The following XYLT1 variants were observed in gnomAD, a reference collection of about 807,000 sequenced individuals.
XYLT1 encodes the protein xylosyltransferase 1.
A neutral mutation model predicts 91.3 loss-of-function variants in XYLT1; 36 were observed. That is an observed-to-expected ratio of 0.39 (90% CI 0.30 to 0.52). The LOEUF is 0.52. XYLT1 is among the 20% of genes least tolerant of loss of function. The pLI, the probability that XYLT1 is intolerant of heterozygous loss-of-function variation, is 0.68. For synonymous variants in XYLT1, 588 were observed against 532.0 expected (o/e 1.11, Z -1.45); for missense variants, 1,242 against 1,284.5 (o/e 0.97, Z 0.51).
intron 5 of XYLT1, among the ~76,000 whole-genome samples, chr16:17,159,550 TTAATA>T (rs768748345): frequency 1.3e-5 from 2 of 152,184 alleles, no homozygotes; most frequent in Non-Finnish European, 2.9e-5. Context: ...AGGAGCTATA[TTAATA>T]TTTGTTGAAT....
chr16:17,286,320 A>C (rs1244803434), intron 2 of XYLT1, among the ~76,000 whole-genome samples: 3 of 152,180 alleles, frequency 2.0e-5, no homozygotes, highest in Non-Finnish European at 4.4e-5. Context: ...GGAGGTATGG[A>C]ATAAATAATC....
rs777120741 is a variant in XYLT1 at position 17,470,440 on chromosome 16, C to T, written c.357G>A (p.Arg119=). Reference sequence around the variant, plus strand: ...AGCCGAAAGGGCATCTTACCAGAGCCCGGGCGGGCAGTGCCCCCCGGCTGG... The same window carrying T: ...AGCCGAAAGGGCATCTTACCAGAGCTCGGGCGGGCAGTGCCCCCCGGCTGG... ...QPASRGALPA[R]ALDPHPSPLI... is the part of the protein sequence containing the mutation. The change falls in exon 1 of 12, where the codon CGG becomes CGA. Residue 119 remains arginine (R), a synonymous_variant. Transcript: ENST00000261381. The T allele has an allele frequency of 1.9e-5, 24 of 1,230,842 alleles. 1 individual carries two copies. In the South Asian group the frequency reaches 8.1e-4, roughly 41 times the overall value. The allele number at this position is 1,230,842 out of a possible 1,614,324, so 76.2% of individuals were successfully genotyped here.
intron 10 of XYLT1, among the ~76,000 whole-genome samples, chr16:17,124,575 A>G (rs769724050): frequency 6.6e-5 from 10 of 152,170 alleles, no homozygotes; most frequent in East Asian, 1.9e-4. Context: ...CTTGATGACT[A>G]TGTGCCTAGG....
At chr16:17,283,486 G>A (rs753379594) in intron 2 of XYLT1, among the ~76,000 whole-genome samples, 2 of 152,082 alleles carry the variant, frequency 1.3e-5, no homozygotes, top group Non-Finnish European at 2.9e-5. Flanking sequence ...AGGCACACAC[G>A]CACACACTCC....
chr16:17,360,914 A>G (rs1321051201), intron 1 of XYLT1, among the ~76,000 whole-genome samples: 1 of 152,240 alleles, frequency 6.6e-6, no homozygotes, highest in Non-Finnish European at 1.5e-5. Flanking sequence ...TGCCGGTACC[A>G]GTAACCATGG....
At chr16:17,152,210 A>G (rs2031299274) in intron 6 of XYLT1, among the ~76,000 whole-genome samples, 2 of 152,202 alleles carry the variant, frequency 1.3e-5, no homozygotes, top group South Asian at 4.1e-4. Context: ...TCTTTTGTCT[A>G]ACTTCTTTGT....
At chr16:17,324,338 A>C (rs957145515) in intron 2 of XYLT1, among the ~76,000 whole-genome samples, 3 of 152,216 alleles carry the variant, frequency 2.0e-5, no homozygotes, top group Non-Finnish European at 4.4e-5. Flanking sequence ...TTCAGAGCCC[A>C]GCATGACACA....
intron 3 of XYLT1, among the ~76,000 whole-genome samples, chr16:17,223,035 GA>G (rs535714440): frequency 3.9e-3 from 493 of 127,342 alleles, no homozygotes; most frequent in Admixed American, 4.4e-3. Flanking sequence ...ACTGCGCCAG[GA>G]AAAAAAAAAA....
At chr16:17,165,873 C>A (rs1319063289) in intron 5 of XYLT1, among the ~76,000 whole-genome samples, 1 of 152,212 alleles carries the variant, frequency 6.6e-6, no homozygotes, top group Non-Finnish European at 1.5e-5. Flanking sequence ...GAATTGTTCA[C>A]TCTAGGATTA....
chr16:17,351,203 AG>A (rs2035215787), intron 2 of XYLT1, among the ~76,000 whole-genome samples: 1 of 152,144 alleles, frequency 6.6e-6, no homozygotes, highest in Non-Finnish European at 1.5e-5. Flanking sequence ...ATGTCAATGC[AG>A]GTCTGGACAC....
chr16:17,435,247 T>C (rs1023643255), intron 1 of XYLT1, among the ~76,000 whole-genome samples: 3 of 152,190 alleles, frequency 2.0e-5, no homozygotes, highest in South Asian at 2.1e-4. Flanking sequence ...CACAGAACTC[T>C]CCATTCACTG....
intron 10 of XYLT1, among the ~76,000 whole-genome samples, chr16:17,122,732 T>C (rs2030115370): frequency 6.6e-6 from 1 of 152,256 alleles, no homozygotes; most frequent in East Asian, 1.9e-4. Flanking sequence ...TAGATTTAAG[T>C]CTTTGATCCA....
chr16:17,182,031 A>G (rs2032081944), intron 5 of XYLT1, among the ~76,000 whole-genome samples: 1 of 152,168 alleles, frequency 6.6e-6, no homozygotes, highest in Admixed American at 6.5e-5. Flanking sequence ...AAACAGCTTG[A>G]AATAAAGCAG....
chr16:17,188,470 A>G (rs2032237264), intron 5 of XYLT1, among the ~76,000 whole-genome samples: 1 of 152,046 alleles, frequency 6.6e-6, no homozygotes, highest in Non-Finnish European at 1.5e-5. Context: ...CAGGGTCCCA[A>G]GCTACCCCCT....
intron 8 of XYLT1, among the ~76,000 whole-genome samples, chr16:17,136,117 G>A (rs1295512773): frequency 1.3e-5 from 2 of 152,138 alleles, no homozygotes; most frequent in African/African-American, 2.4e-5. Flanking sequence ...CACACAATAC[G>A]CAGGGCAATG....
intron 2 of XYLT1, among the ~76,000 whole-genome samples, chr16:17,288,892 G>A (rs993440627): frequency 5.9e-5 from 9 of 152,102 alleles, no homozygotes; most frequent in East Asian, 1.9e-4. Context: ...ATTTCTTACC[G>A]TTTTACCCCA....
chr16:17,423,912 A>G (rs2036279954), intron 1 of XYLT1, among the ~76,000 whole-genome samples: 1 of 152,168 alleles, frequency 6.6e-6, no homozygotes, highest in Admixed American at 6.5e-5. Context: ...CTACAGGCTC[A>G]TCATGCCACA....
chr16:17,430,984 T>C (rs1381067950), intron 1 of XYLT1, among the ~76,000 whole-genome samples: 1 of 152,120 alleles, frequency 6.6e-6, no homozygotes, highest in Non-Finnish European at 1.5e-5. Flanking sequence ...ATGAAAAAGC[T>C]AGTAATTTAA....
intron 6 of XYLT1, among the ~76,000 whole-genome samples, chr16:17,145,153 C>T (rs74462761): frequency 0.045 from 6,787 of 152,304 alleles, 529 homozygotes; most frequent in African/African-American, 0.15. Flanking sequence ...TCTTTTGCTT[C>T]GCATAATGTT....
Sources: gnomAD v4.1 joint callset for allele counts (sites outside exome capture counted in the v4.1 genomes callset) on GRCh38, gnomAD v4.1.1 for gene constraint, MANE v1.5 for transcripts, NCBI Gene and HGNC (gene_info 2026-07-23, HGNC 2026-07-21) for gene names.